XPO4: variants seen among roughly 807,000 people sequenced by gnomAD.
XPO4 encodes exportin 4, also known as exportin-4.
XPO4 carries 39 observed loss-of-function variants against 143.0 expected under a neutral mutation model. The observed-to-expected ratio is 0.27, with a 90% confidence interval of 0.21 to 0.36. XPO4 has a LOEUF of 0.36. XPO4 is among the 10% of genes least tolerant of loss of function. The probability of loss-of-function intolerance (pLI) is 1.00; values close to 1 mark genes in which losing one functional copy is unlikely to be tolerated. For missense variants in XPO4, 907 were observed against 1,348.0 expected (o/e 0.67, Z 5.12); for synonymous variants, 439 against 474.0 (o/e 0.93, Z 0.96).
intron 4 of XPO4, chr13:20,852,486 G>T: frequency 1.0e-6 from 1 of 985,308 alleles, no homozygotes; most frequent in Non-Finnish European, 1.2e-6. Context: ...AAGCAAATTC[G>T]AACAAATTCA....
intron 4 of XPO4, chr13:20,852,485 C>T (rs1411032926): frequency 3.0e-6 from 3 of 985,276 alleles, no homozygotes; most frequent in Non-Finnish European, 3.6e-6. Context: ...GAAGCAAATT[C>T]GAACAAATTC....
chr13:20,796,054 A>G (rs748043108), intron 18 of XPO4, 22 bp downstream of exon 18: 1 of 1,588,882 alleles, frequency 6.3e-7, no homozygotes, highest in Non-Finnish European at 8.6e-7. Context: ...CAAAGTTTAA[A>G]AACCATCACG....
At chr13:20,810,848 T>C (rs1364896508) in intron 9 of XPO4, among the ~76,000 whole-genome samples, 2 of 152,224 alleles carry the variant, frequency 1.3e-5, no homozygotes, top group African/African-American at 4.8e-5. Context: ...ATCCTAATTG[T>C]CCTCTTTCCT....
In XPO4 at chr13:20,786,969, T is replaced by C; in HGVS notation, c.3254A>G (p.His1085Arg). Residue 1085 changes from histidine to arginine, a missense_variant, in exon 22 of 23, where the codon CAC (histidine) becomes CGC (arginine). Physicochemically the swap from His to Arg is conservative, Grantham distance 29 (BLOSUM62 0). Transcript: ENST00000255305. ...GEAFYTLVCL[H>R]QAEYSELVET... ...GAAAAGAGGCATGTCCAGTACCTGGTGCAAACACACCAACGTGTAGAAAGC... is the reference window on the plus strand; with the variant it reads ...GAAAAGAGGCATGTCCAGTACCTGGCGCAAACACACCAACGTGTAGAAAGC... 6.4e-7 allele frequency: 1 copy of C among 1,556,268 alleles called. No homozygotes were observed. The highest frequency in any genetic ancestry group is 1.4e-5 in the African/African-American group (1 of 73,370).
chr13:20,876,156 G>A lies in XPO4; in HGVS notation c.70-7455C>T, dbSNP rs1010999483. On this transcript the variant is annotated intron_variant, in intron 1 of 22. Coordinates refer to ENST00000255305, the MANE Select transcript of XPO4 (RefSeq NM_022459.5). ...ACATGCCTGTAAACCCAGCTACTTG[G>A]GAGGCTGAGACAGGAGAATCACTTG... Among the ~76,000 whole-genome samples, 9 of 151,118 alleles carry A rather than the reference G, an allele frequency of 6.0e-5. No homozygotes were observed. The East Asian group carries it at 1.2e-3, about 20-fold the overall frequency.
intron 17 of XPO4, 108 bp downstream of exon 17, chr13:20,796,656 A>G (rs1265635649): frequency 1.1e-6 from 1 of 892,332 alleles, no homozygotes; most frequent in African/African-American, 1.7e-5. Context: ...TGAAGGAATA[A>G]AAATATTATT....
At chr13:20,830,310 T>C (rs1054497101) in intron 6 of XPO4, among the ~76,000 whole-genome samples, 1 of 152,200 alleles carries the variant, frequency 6.6e-6, no homozygotes, top group Non-Finnish European at 1.5e-5. Flanking sequence ...AAACTCCATG[T>C]TACTTTTGTT....
At chr13:20,796,733 T>G in intron 17 of XPO4, 31 bp downstream of exon 17, 1 of 1,528,446 alleles carries the variant, frequency 6.5e-7, no homozygotes, top group Non-Finnish European at 8.8e-7. Flanking sequence ...AGAGTTTTAA[T>G]CCTGAGGGGA....
At chr13:20,797,960 A>G (rs1366698824) in intron 16 of XPO4, among the ~76,000 whole-genome samples, 2 of 152,156 alleles carry the variant, frequency 1.3e-5, no homozygotes, top group African/African-American at 2.4e-5. Context: ...CCTGGCCAAC[A>G]TGGCAAAACC....
intron 1 of XPO4, among the ~76,000 whole-genome samples, chr13:20,900,590 A>C (rs1008955764): frequency 2.6e-5 from 4 of 151,568 alleles, no homozygotes; most frequent in East Asian, 1.9e-4. Flanking sequence ...CTGAATACTT[A>C]AGTGGAAATT....
At chr13:20,785,502 G>A (rs1344119668) in intron 22 of XPO4, among the ~76,000 whole-genome samples, 4 of 151,706 alleles carry the variant, frequency 2.6e-5, no homozygotes, top group East Asian at 1.9e-4. Flanking sequence ...GTGAAACTCC[G>A]TCTCTACAAA....
At chr13:20,902,006 T>C (rs1370821882) in intron 1 of XPO4, 14 of 864,244 alleles carry the variant, frequency 1.6e-5, no homozygotes, top group African/African-American at 5.5e-5. Context: ...CTTATTGTAG[T>C]GTAAGCATGA....
intron 19 of XPO4, 126 bp from the exon 20 acceptor site, chr13:20,788,742 T>C (rs1014575056): frequency 1.1e-5 from 11 of 974,686 alleles, no homozygotes; most frequent in South Asian, 4.3e-5. Context: ...ATGTACAAGA[T>C]ATAGAAAACA....
rs1011584685 is a variant in XPO4 at position 20,863,016 on chromosome 13, T to A, written c.176-158A>T. 2.8e-6 allele frequency: 4 copies of A among 1,406,204 alleles called. No individual in the cohort carries two copies. The African/African-American group carries it at 4.3e-5, about 15-fold the overall frequency. 87.1% of individuals were successfully genotyped at this position (1,406,204 alleles called of 1,614,324 possible). A position where few individuals can be genotyped will look rare whatever the true frequency, so the allele number is the denominator to read the frequency against. ...ACCTTGCTCTAGCACCACAAAGAGGTTAGTTCCTCTCAGAAGACACCTCAG... is the reference window on the plus strand; with the variant it reads ...ACCTTGCTCTAGCACCACAAAGAGGATAGTTCCTCTCAGAAGACACCTCAG... On this transcript the variant is annotated intron_variant, in intron 2 of 22. Coordinates refer to ENST00000255305, the MANE Select transcript of XPO4 (RefSeq NM_022459.5).
intron 1 of XPO4, among the ~76,000 whole-genome samples, chr13:20,886,891 T>C (rs2138170842): frequency 6.6e-6 from 1 of 151,996 alleles, no homozygotes; most frequent in East Asian, 1.9e-4. Context: ...CTGACCAAAA[T>C]GGAGAAACCC....
chr13:20,837,424 G>A (rs971759182), intron 6 of XPO4, among the ~76,000 whole-genome samples: 1 of 151,824 alleles, frequency 6.6e-6, no homozygotes, highest in African/African-American at 2.4e-5. Context: ...TTTAGAGACA[G>A]AGTCTCACTC....
chr13:20,795,465 CT>C (rs1479978853), intron 18 of XPO4, among the ~76,000 whole-genome samples: 1 of 152,188 alleles, frequency 6.6e-6, no homozygotes, highest in East Asian at 1.9e-4. Context: ...ATTTGACCAG[CT>C]AGTAAAGACA....
chr13:20,797,153 G>A, intron 16 of XPO4, 96 bp from the exon 17 acceptor site: 1 of 1,217,028 alleles, frequency 8.2e-7, no homozygotes, highest in Non-Finnish European at 1.1e-6. Flanking sequence ...ATTTCTAATT[G>A]TTGGAGGCAG....
At chr13:20,834,472 TG>T (rs1458826744) in intron 6 of XPO4, among the ~76,000 whole-genome samples, 1 of 151,418 alleles carries the variant, frequency 6.6e-6, no homozygotes, top group Non-Finnish European at 1.5e-5. Context: ...CTCAAGAGGC[TG>T]AAGTTGAGAG....
Sources: gnomAD v4.1 joint callset for allele counts (sites outside exome capture counted in the v4.1 genomes callset) on GRCh38, gnomAD v4.1.1 for gene constraint, MANE v1.5 for transcripts, NCBI Gene and HGNC (gene_info 2026-07-23, HGNC 2026-07-21) for gene names.